Variants in PLCB1 observed in about 807,000 individuals in gnomAD.
PLCB1 encodes 1-phosphatidylinositol 4,5-bisphosphate phosphodiesterase beta-1.
In PLCB1, 46 loss-of-function variants were observed where a neutral mutation model predicts 161.8. That is an observed-to-expected ratio of 0.28 (90% CI 0.22 to 0.36). The LOEUF is 0.36. Among genes scored for constraint, PLCB1 ranks in the 10% least tolerant of loss-of-function variants. PLCB1 has a pLI of 1.00. For synonymous variants in PLCB1, 517 were observed against 503.7 expected, an observed-to-expected ratio of 1.03 and a Z score of -0.35; for missense variants, 1,016 against 1,472.5, an observed-to-expected ratio of 0.69 and a Z score of 5.07.
In PLCB1 at chr20:8,150,515, G is replaced by A. The variant is rs187607390; in HGVS notation, c.177+144G>A. ...GGTTCTACTTTTAAAGAATATCTAA[G>A]GTATTCTTAGGACTTAGGACGTTTC... On this transcript the variant is annotated intron_variant, in intron 2 of 31. Transcript: ENST00000338037. The A allele has an allele frequency of 7.9e-4, 367 of 465,230 alleles. 5 individuals carry two copies. Among genetic ancestry groups the A allele is most frequent in the African/African-American group, 7.0e-3 (347 of 49,610 alleles). 28.8% of individuals were successfully genotyped at this position (465,230 alleles called of 1,614,324 possible). A position where few individuals can be genotyped will look rare whatever the true frequency, so the allele number is the denominator to read the frequency against.
intron 3 of PLCB1, among the ~76,000 whole-genome samples, chr20:8,476,818 T>C (rs1982301627): frequency 6.6e-6 from 1 of 152,112 alleles, no homozygotes; most frequent in African/African-American, 2.4e-5. Flanking sequence ...GTGTGTGATG[T>C]TCAAAATGAT....
At chr20:8,516,664 CATATATATATATATATAT>C (rs57237224) in intron 3 of PLCB1, among the ~76,000 whole-genome samples, 4,218 of 72,284 alleles carry the variant, frequency 0.058, 185 homozygotes, top group African/African-American at 0.11. Flanking sequence ...AATATAACAT[CATATATATATATATATAT>C]ATATATATAT....
intron 3 of PLCB1, among the ~76,000 whole-genome samples, chr20:8,378,024 T>C (rs1462503475): frequency 6.6e-6 from 1 of 152,220 alleles, no homozygotes; most frequent in East Asian, 1.9e-4. Flanking sequence ...TGAGGAGACT[T>C]GGAGGAAACA....
intron 3 of PLCB1, among the ~76,000 whole-genome samples, chr20:8,619,172 C>T (rs992115883): frequency 6.6e-5 from 10 of 152,090 alleles, no homozygotes; most frequent in Admixed American, 2.6e-4. Context: ...TGCGGTGGCT[C>T]ATGCCTGGGA....
intron 2 of PLCB1, among the ~76,000 whole-genome samples, chr20:8,216,923 A>T (rs1172100303): frequency 1.3e-5 from 2 of 152,172 alleles, no homozygotes; most frequent in African/African-American, 4.8e-5. Flanking sequence ...ACATGCCACA[A>T]CTAGTGGCAG....
At chr20:8,442,117 GT>G (rs552736709) in intron 3 of PLCB1, among the ~76,000 whole-genome samples, 1 of 152,024 alleles carries the variant, frequency 6.6e-6, no homozygotes, top group African/African-American at 2.4e-5. Flanking sequence ...TGATTCTGTA[GT>G]TTTTTCCTTA....
intron 3 of PLCB1, among the ~76,000 whole-genome samples, chr20:8,393,339 T>C (rs1247003430): frequency 2.0e-5 from 3 of 152,152 alleles, no homozygotes; most frequent in Non-Finnish European, 4.4e-5. Context: ...CAAAACTCAC[T>C]GTTTCTCCAA....
rs1986465412 is a variant in PLCB1 at position 8,359,342 on chromosome 20, TG to T, written c.178-12039del. Among the ~76,000 whole-genome samples, 2 of 152,170 alleles carry T rather than the reference TG, an allele frequency of 1.3e-5. 1 individual carries two copies. The highest frequency in any genetic ancestry group is 4.1e-4 in the South Asian group (2 of 4,828). On this transcript the variant is annotated intron_variant, in intron 2 of 31. Coordinates refer to ENST00000338037, the MANE Select transcript of PLCB1 (RefSeq NM_015192.4). ...CTTTGGAGTAGAGCTTTATATATTCTGTTATGGATAGTTTTTTTATTATTTT... is the reference window on the plus strand; with the variant it reads ...CTTTGGAGTAGAGCTTTATATATTCTTTATGGATAGTTTTTTTATTATTTT...
chr20:8,882,705 C>G lies in PLCB1; in HGVS notation c.*856C>G, dbSNP rs941882718. 4.6e-5 allele frequency: 7 copies of G among 152,162 alleles called. No homozygotes were observed. Among genetic ancestry groups the G allele is most frequent in the Non-Finnish European group, 1.0e-4 (7 of 68,016 alleles). 9.4% of individuals were successfully genotyped at this position (152,162 alleles called of 1,614,324 possible). Reference sequence around the variant, plus strand: ...AATAGTTGAGCTGATATATGTTAAGCAGATATTCAATCAGAATGAACAGGT... The same window carrying G: ...AATAGTTGAGCTGATATATGTTAAGGAGATATTCAATCAGAATGAACAGGT... On this transcript the variant is annotated 3_prime_UTR_variant, in exon 32 of 32. Transcript: ENST00000338037.
intron 26 of PLCB1, among the ~76,000 whole-genome samples, chr20:8,765,740 T>C (rs1982280951): frequency 6.6e-6 from 1 of 151,808 alleles, no homozygotes; most frequent in Non-Finnish European, 1.5e-5. Flanking sequence ...CAGACTGGAG[T>C]GCAGTGACAT....
chr20:8,569,919 A>C (rs1986451516), intron 3 of PLCB1, among the ~76,000 whole-genome samples: 1 of 152,162 alleles, frequency 6.6e-6, no homozygotes, highest in Non-Finnish European at 1.5e-5. Context: ...CACTGGCTTG[A>C]GCAATGAAAT....
intron 2 of PLCB1, among the ~76,000 whole-genome samples, chr20:8,267,924 G>GGAGGGAAAGAAAAACT (rs1982056863): frequency 6.6e-6 from 1 of 151,482 alleles, no homozygotes; most frequent in African/African-American, 2.4e-5. Context: ...GATTGGTTGT[G>GGAGGGAAAGAAAAACT]GGACAGGACC....
chr20:8,254,923 G>C (rs1981333016), intron 2 of PLCB1, among the ~76,000 whole-genome samples: 1 of 152,016 alleles, frequency 6.6e-6, no homozygotes. Context: ...ATGGAGGTTT[G>C]AAGTAATATA....
rs556874390 is a variant in PLCB1, at chr20:8,701,258, T to C, written c.1167+3475T>C. Among the ~76,000 whole-genome samples the C allele has an allele frequency of 9.2e-5, 14 of 152,290 alleles. No individual in the cohort carries two copies. The South Asian group carries it at 2.9e-3, about 32-fold the overall frequency. ...ATCCCATTACCTTGTTTCTTACTGC[T>C]TTCCCCCTCATCCACTGGGCTCCAA... On this transcript the variant is annotated intron_variant, in intron 11 of 31. Coordinates refer to ENST00000338037, the MANE Select transcript of PLCB1 (RefSeq NM_015192.4).
intron 3 of PLCB1, among the ~76,000 whole-genome samples, chr20:8,511,563 T>C (rs1160303527): frequency 1.3e-5 from 2 of 152,082 alleles, no homozygotes; most frequent in Non-Finnish European, 2.9e-5. Flanking sequence ...AATTCTAGGG[T>C]AATTCTATTT....
At chr20:8,186,331 A>G (rs972793893) in intron 2 of PLCB1, among the ~76,000 whole-genome samples, 1 of 152,182 alleles carries the variant, frequency 6.6e-6, no homozygotes, top group East Asian at 1.9e-4. Flanking sequence ...AAATAAATTT[A>G]AGAATAATCT....
chr20:8,204,409 T>C (rs1465355581), intron 2 of PLCB1, among the ~76,000 whole-genome samples: 1 of 152,090 alleles, frequency 6.6e-6, no homozygotes, highest in Non-Finnish European at 1.5e-5. Flanking sequence ...AACTCAGGCA[T>C]CTTCATAAGC....
At chr20:8,563,595 C>G (rs886813951) in intron 3 of PLCB1, among the ~76,000 whole-genome samples, 35 of 152,088 alleles carry the variant, frequency 2.3e-4, no homozygotes, top group African/African-American at 8.0e-4. Flanking sequence ...ATTTAGAAAA[C>G]TCTATTGTCT....
At chr20:8,609,748 ATCC>A (rs1568528459) in intron 3 of PLCB1, among the ~76,000 whole-genome samples, 1 of 152,106 alleles carries the variant, frequency 6.6e-6, no homozygotes, top group African/African-American at 2.4e-5. Flanking sequence ...GGCTCAAGCA[ATCC>A]TCCTGCCTCG....
Sources: allele counts gnomAD v4.1 joint callset (sites outside exome capture counted in the v4.1 genomes callset), GRCh38; gene constraint gnomAD v4.1.1; transcripts MANE v1.5; gene names NCBI Gene and HGNC (gene_info 2026-07-23, HGNC 2026-07-21).